The following MAPK4 variants were observed in gnomAD, a reference collection of about 807,000 sequenced individuals.
The protein encoded by MAPK4 is Erk3-related.
Under a neutral mutation model 47.7 loss-of-function variants are expected in MAPK4, and 22 were observed. The ratio of observed to expected loss-of-function variants is 0.46; its 90% CI spans 0.33 to 0.66. MAPK4 has a LOEUF of 0.66. Among genes scored for constraint, MAPK4 ranks in the 30% least tolerant of loss-of-function variants. The probability of loss-of-function intolerance (pLI) is 0.02; values close to 1 mark genes in which losing one functional copy is unlikely to be tolerated. For missense variants in MAPK4, 736 were observed against 831.7 expected, an observed-to-expected ratio of 0.88 and a Z score of 1.42; for synonymous variants, 390 against 365.7, an observed-to-expected ratio of 1.07 and a Z score of -0.76.
chr18:50,628,071 G>A (rs2042796900), intron 1 of MAPK4, among the ~76,000 whole-genome samples: 1 of 152,180 alleles, frequency 6.6e-6, no homozygotes, highest in Admixed American at 6.5e-5. Flanking sequence ...CCGAGGTAGG[G>A]TTCCCGGGCA....
chr18:50,663,586 TC>T lies in MAPK4; in HGVS notation c.-371del. 1 of 166,498 alleles carries T rather than the reference TC, an allele frequency of 6.0e-6. No individual in the cohort carries two copies. Among genetic ancestry groups the T allele is most frequent in the African/African-American group, 2.4e-5 (1 of 42,078 alleles). The allele number at this position is 166,498 out of a possible 1,614,324, so 10.3% of individuals were successfully genotyped here. ...AGTTTCTGCATCTTTTACTTTGCAG[TC>T]CACTATGGTAGAAAACTTGACATTC... On this transcript the variant is annotated 5_prime_UTR_variant, in exon 2 of 6. An upstream open reading frame in the 5' UTR loses its in-frame stop. Coordinates refer to ENST00000400384, the MANE Select transcript of MAPK4 (RefSeq NM_002747.4).
chr18:50,588,636 C>G (rs2042408933), intron 1 of MAPK4, among the ~76,000 whole-genome samples: 1 of 152,286 alleles, frequency 6.6e-6, no homozygotes, highest in South Asian at 2.1e-4. Flanking sequence ...CTCACTGCAG[C>G]CTCAACTTTC....
In MAPK4 at chr18:50,719,363, A is replaced by C. The variant is rs576587064; in HGVS notation, c.692-2575A>C. On this transcript the variant is annotated intron_variant, in intron 3 of 5. Transcript: ENST00000400384. The stretch of plus-strand genomic sequence containing the variant: ...CAAAAGGGTTAAAAACAAAACAAAA[A>C]AAAATACACAGTGAACCTATCTGTG... 2.6e-3 allele frequency among the ~76,000 whole-genome samples: 401 copies of C among 152,280 alleles called. 1 individual carries two copies. The highest frequency in any genetic ancestry group is 8.0e-3 in the African/African-American group (331 of 41,556).
At chr18:50,666,277 T>A (rs1907596247) in intron 2 of MAPK4, among the ~76,000 whole-genome samples, 1 of 152,090 alleles carries the variant, frequency 6.6e-6, no homozygotes, top group African/African-American at 2.4e-5. Flanking sequence ...GAGTCAGAGG[T>A]CTGGGTTCCT....
At chr18:50,586,322 A>G (rs1321571718) in intron 1 of MAPK4, among the ~76,000 whole-genome samples, 4 of 152,120 alleles carry the variant, frequency 2.6e-5, no homozygotes, top group African/African-American at 9.6e-5. Context: ...TGAACAAAGT[A>G]TTCTGAAAGA....
At chr18:50,625,215 C>A (rs1023609572) in intron 1 of MAPK4, among the ~76,000 whole-genome samples, 2 of 152,136 alleles carry the variant, frequency 1.3e-5, no homozygotes, top group African/African-American at 2.4e-5. Flanking sequence ...CAAGGAGGAA[C>A]CAAAGCTGGT....
At chr18:50,618,884 A>C (rs567208504) in intron 1 of MAPK4, among the ~76,000 whole-genome samples, 2 of 152,176 alleles carry the variant, frequency 1.3e-5, no homozygotes, top group South Asian at 2.1e-4. Flanking sequence ...CGAGAATACT[A>C]TCTGAAAGTC....
At chr18:50,593,975 A>G (rs2149368780) in intron 1 of MAPK4, among the ~76,000 whole-genome samples, 1 of 152,322 alleles carries the variant, frequency 6.6e-6, no homozygotes, top group East Asian at 1.9e-4. Flanking sequence ...GAGTCCATTC[A>G]AAAGCAGGGA....
At chr18:50,703,535 G>A (rs1057155303) in intron 2 of MAPK4, among the ~76,000 whole-genome samples, 2 of 152,142 alleles carry the variant, frequency 1.3e-5, no homozygotes, top group Non-Finnish European at 1.5e-5. Flanking sequence ...TTCAGCAGGC[G>A]CCATAATATT....
At chr18:50,648,701 A>C (rs1055910854) in intron 1 of MAPK4, among the ~76,000 whole-genome samples, 10 of 152,122 alleles carry the variant, frequency 6.6e-5, no homozygotes, top group African/African-American at 2.4e-4. Flanking sequence ...GTATTTAGAG[A>C]TGTCCAGGAC....
chr18:50,726,071 G>A lies in MAPK4; in HGVS notation c.963G>A (p.Glu321=). The A allele has an allele frequency of 1.2e-6, 2 of 1,614,106 alleles. No individual in the cohort carries two copies. Among genetic ancestry groups the A allele is most frequent in the Non-Finnish European group, 8.5e-7 (1 of 1,180,024 alleles). The change falls in exon 5 of 6, where the codon GAG becomes GAA. Residue 321 remains glutamate, a synonymous_variant. Coordinates refer to ENST00000400384, the MANE Select transcript of MAPK4 (RefSeq NM_002747.4). ...YMSPYSCPED[E]PTSQHPFRIE... ...GCCCATACTCGTGCCCTGAGGACGA[G>A]CCCACCTCACAACACCCCTTCCGCA...
chr18:50,593,005 C>T (rs996442283), intron 1 of MAPK4, among the ~76,000 whole-genome samples: 2 of 152,194 alleles, frequency 1.3e-5, no homozygotes, highest in African/African-American at 4.8e-5. Flanking sequence ...ATTCGTCCCA[C>T]ACTAATTTTA....
intron 2 of MAPK4, among the ~76,000 whole-genome samples, chr18:50,710,215 G>C (rs181688531): frequency 7.0e-4 from 106 of 152,320 alleles, no homozygotes; most frequent in African/African-American, 2.4e-3. Context: ...AGGCACGGTG[G>C]CTCATGACTG....
At chr18:50,677,959 C>T (rs1243222929) in intron 2 of MAPK4, among the ~76,000 whole-genome samples, 1 of 152,112 alleles carries the variant, frequency 6.6e-6, no homozygotes, top group African/African-American at 2.4e-5. Context: ...AGGGTGGGTT[C>T]CATGCCCCCG....
chr18:50,701,964 C>A (rs1011038723), intron 2 of MAPK4, among the ~76,000 whole-genome samples: 39 of 151,704 alleles, frequency 2.6e-4, no homozygotes, highest in Admixed American at 4.6e-4. Flanking sequence ...AGTTTGAGAC[C>A]AGCCTGGGCA....
chr18:50,605,589 A>G (rs950599929), intron 1 of MAPK4, among the ~76,000 whole-genome samples: 1 of 152,164 alleles, frequency 6.6e-6, no homozygotes, highest in Admixed American at 6.5e-5. Context: ...CTAACTGGGC[A>G]GTTTGCCGAT....
At chr18:50,701,990 G>A (rs921988806) in intron 2 of MAPK4, among the ~76,000 whole-genome samples, 4 of 151,782 alleles carry the variant, frequency 2.6e-5, no homozygotes, top group African/African-American at 9.7e-5. Flanking sequence ...GTGAAACCCT[G>A]TCTCTACTAA....
intron 1 of MAPK4, among the ~76,000 whole-genome samples, chr18:50,658,088 G>C (rs942137666): frequency 6.6e-6 from 1 of 152,008 alleles, no homozygotes; most frequent in Non-Finnish European, 1.5e-5. Flanking sequence ...GGAAGGTGGG[G>C]GTGTGGTTGT....
chr18:50,634,233 G>A (rs2042858778), intron 1 of MAPK4, among the ~76,000 whole-genome samples: 1 of 152,062 alleles, frequency 6.6e-6, no homozygotes. Flanking sequence ...CAGGATGTCA[G>A]CACCTGGTGT....
Sources: allele counts gnomAD v4.1 joint callset (sites outside exome capture counted in the v4.1 genomes callset), GRCh38; gene constraint gnomAD v4.1.1; transcripts MANE v1.5; gene names NCBI Gene and HGNC (gene_info 2026-07-23, HGNC 2026-07-21).